Variants in HOOK2 observed in about 807,000 individuals in gnomAD.
The protein encoded by HOOK2 is hook microtubule tethering protein 2.
In HOOK2, 108 loss-of-function variants were observed where a neutral mutation model predicts 111.9. That is an observed-to-expected ratio of 0.96 (90% confidence interval 0.83 to 1.13). The LOEUF (loss-of-function observed/expected upper bound fraction) is 1.13. Ranked by LOEUF, HOOK2 falls within the 50% of genes most tolerant of loss-of-function variation. The pLI is 0.00. For synonymous variants in HOOK2, 405 were observed against 394.3 expected (o/e 1.03, Z -0.32); for missense variants, 978 against 951.3 (o/e 1.03, Z -0.37).
rs1968662202 is a variant in HOOK2, at chr19:12,786,810, G to C, written n.42-12585C>G. On this transcript the variant is annotated intron_variant and non_coding_transcript_variant, in intron 3 of 3. Coordinates refer to the HOOK2 transcript ENST00000589765. This position sits in a 1 kb window ranked among gnomAD's most constrained non-coding sequence, Gnocchi z 4.3. ...GTTTGGAGGAACCCTACTCCCACAT[G>C]CTGGCCTGTCCACAGAGACCCGTGC... Among the ~76,000 whole-genome samples the C allele has an allele frequency of 1.3e-5, 2 of 152,164 alleles. No individual in the cohort carries two copies. Among genetic ancestry groups the C allele is most frequent in the Non-Finnish European group, 2.9e-5 (2 of 68,026 alleles).
chr19:12,782,458 C>G (rs571349001), upstream of HOOK2, among the ~76,000 whole-genome samples: 427 of 152,340 alleles, frequency 2.8e-3, 2 homozygotes, highest in African/African-American at 9.8e-3. Context: ...GCAGGCTGCG[C>G]GGACGCAGTG....
chr19:12,773,009 T>C lies in HOOK2; in HGVS notation c.240A>G (p.Val80=), dbSNP rs1599500363. ...SNLKMVLRSL[V]EYSQDVLAHP... is the part of the protein sequence containing the mutation. The stretch of plus-strand genomic sequence containing the variant: ...AGTTACTCACATCCTGGGAGTACTC[T>C]ACTAGGCTCCGTAAGACCATCTTCA... The change falls in exon 4 of 23, where the codon GTA becomes GTG. Residue 80 remains valine (V), a synonymous_variant. Coordinates refer to ENST00000397668, the MANE Select transcript of HOOK2 (RefSeq NM_013312.3). The C allele has an allele frequency of 6.2e-7, 1 of 1,614,112 alleles. No individual in the cohort carries two copies. Among genetic ancestry groups the C allele is most frequent in the South Asian group, 1.1e-5 (1 of 91,080 alleles).
chr19:12,768,361 C>G (rs1968218758), intron 11 of HOOK2, among the ~76,000 whole-genome samples: 1 of 152,092 alleles, frequency 6.6e-6, no homozygotes, highest in African/African-American at 2.4e-5. Context: ...TCCCAAAGCA[C>G]TGGGATTACA....
chr19:12,774,836 G>A lies in HOOK2; in HGVS notation c.107C>T (p.Ala36Val). 1.2e-6 allele frequency: 2 copies of A among 1,614,190 alleles called. No individual in the cohort carries two copies. The highest frequency in any genetic ancestry group is 2.2e-5 in the East Asian group (1 of 44,890). Reference sequence around the variant, plus strand: ...CATCTGGTTCAGCACATAGGCTACGGCAAGGCCGCTGCTCAGGTCCTGAGG... The same window carrying A: ...CATCTGGTTCAGCACATAGGCTACGACAAGGCCGCTGCTCAGGTCCTGAGG... ...ASPQDLSSGL[A>V]VAYVLNQIDP... Residue 36 changes from alanine to valine, a missense_variant, in exon 2 of 23, where the codon GCC (alanine) becomes GTC (valine). Transcript: ENST00000397668.
chr19:12,765,648 A>T, intron 18 of HOOK2, 42 bp downstream of exon 18: 1 of 1,612,724 alleles, frequency 6.2e-7, no homozygotes, highest in Admixed American at 1.7e-5. Context: ...ACTAATATCA[A>T]ATCCATGCCC....
At chr19:12,783,333 G>A (rs2145796142), upstream of HOOK2, among the ~76,000 whole-genome samples, 1 of 146,414 alleles carries the variant, frequency 6.8e-6, no homozygotes, top group Non-Finnish European at 1.5e-5. Context: ...CTCTGAATTG[G>A]TAGACCCCCC....
In HOOK2 at chr19:12,763,530, T is replaced by C. The variant is rs1189590924; in HGVS notation, c.2008A>G (p.Met670Val). ...EKLLISAWYN[M>V]GMALQQRAGE... The stretch of plus-strand genomic sequence containing the variant: ...TAGAGCCCAGACCCCACACTTACCA[T>C]ATTATACCAGGCACTGATGAGCAGC... The change falls in exon 22 of 23, where the codon ATG (methionine) becomes GTG (valine). Residue 670 changes from methionine (M) to valine (V), a missense_variant and splice_region_variant. Met to Val is a conservative substitution (Grantham distance 21). Coordinates refer to ENST00000397668, the MANE Select transcript of HOOK2 (RefSeq NM_013312.3). 2 of 1,614,082 alleles carry C rather than the reference T, an allele frequency of 1.2e-6. No individual in the cohort carries two copies. Among genetic ancestry groups the C allele is most frequent in the African/African-American group, 2.7e-5 (2 of 74,940 alleles).
At chr19:12,764,742 T>C in intron 20 of HOOK2, 72 bp downstream of exon 20, 2 of 1,316,040 alleles carry the variant, frequency 1.5e-6, no homozygotes, top group East Asian at 4.6e-5. Context: ...AAGCAGGAGG[T>C]TTGACTCAAT....
intron 15 of HOOK2, 27 bp downstream of exon 15, chr19:12,766,076 C>G: frequency 1.2e-6 from 2 of 1,603,674 alleles, no homozygotes. Context: ...GTCCCTGCTC[C>G]GCGCAGGTAG....
chr19:12,765,497 C>T (rs1161483129), intron 18 of HOOK2, 193 bp downstream of exon 18: 3 of 721,736 alleles, frequency 4.2e-6, no homozygotes, highest in Non-Finnish European at 7.1e-6. Context: ...CCTGTAATCC[C>T]AGCACTTTGG....
upstream of HOOK2, among the ~76,000 whole-genome samples, chr19:12,779,734 G>A (rs961359214): frequency 1.6e-4 from 25 of 151,782 alleles, no homozygotes; most frequent in Admixed American, 1.4e-3. Context: ...CATCCATTGT[G>A]TCATAAGGCC....
chr19:12,774,529 A>G (rs756423324), intron 3 of HOOK2, 140 bp downstream of exon 3: 7 of 826,054 alleles, frequency 8.5e-6, no homozygotes, highest in South Asian at 6.0e-5. Context: ...TGAGTACTCC[A>G]TAGATGAATG....
At chr19:12,789,195 A>G (rs950927906) in intron 3 of HOOK2, among the ~76,000 whole-genome samples, 7 of 149,888 alleles carry the variant, frequency 4.7e-5, no homozygotes, top group South Asian at 2.1e-4. Flanking sequence ...GAGAGAGACA[A>G]AGAGAGAGAG....
At chr19:12,765,360 C>A in intron 18 of HOOK2, 1 of 589,852 alleles carries the variant, frequency 1.7e-6, no homozygotes, top group Non-Finnish European at 3.0e-6. Flanking sequence ...CAGCCACCAT[C>A]TTCCCTTGCT....
upstream of HOOK2, among the ~76,000 whole-genome samples, chr19:12,782,538 G>A (rs1468594244): frequency 6.6e-6 from 1 of 152,234 alleles, no homozygotes; most frequent in East Asian, 1.9e-4. Flanking sequence ...GCGGGGGCGC[G>A]TGCGTCGTGC....
At chr19:12,789,911 G>A (rs1039509077) in intron 3 of HOOK2, among the ~76,000 whole-genome samples, 5 of 152,122 alleles carry the variant, frequency 3.3e-5, no homozygotes, top group African/African-American at 4.8e-5. Context: ...TCTGGCTCGG[G>A]GCCCCAGGAC....
At position 12,791,736 on chromosome 19, in the gene HOOK2, C is replaced by T. The variant is rs760718461; in HGVS notation, n.42-17511G>A. On this transcript the variant is annotated intron_variant and non_coding_transcript_variant, in intron 3 of 3. Coordinates refer to the HOOK2 transcript ENST00000589765. This position sits in a 1 kb window ranked among gnomAD's most constrained non-coding sequence, Gnocchi z 7.0. ...GCTGCAGCGAGGCCCGGAGCGGCCC[C>T]GCAGGGACCCTCCCCAGACCGCCTG... is the stretch of plus-strand genomic sequence containing the variant. The T allele has an allele frequency of 1.1e-5, 17 of 1,515,232 alleles. No individual in the cohort carries two copies. Among genetic ancestry groups the T allele is most frequent in the Middle Eastern group, 1.8e-4 (1 of 5,712 alleles). 93.9% of individuals were successfully genotyped at this position (1,515,232 alleles called of 1,614,324 possible).
chr19:12,765,208 G>T, intron 18 of HOOK2, 127 bp from the exon 19 acceptor site: 1 of 865,008 alleles, frequency 1.2e-6, no homozygotes, highest in Non-Finnish European at 1.9e-6. Context: ...CTCTCTGCCT[G>T]CCCCTCATGC....
Position 12,775,409 on chromosome 19 carries a change from G to C in HOOK2, c.41C>G (p.Thr14Ser). 2.5e-6 allele frequency: 4 copies of C among 1,612,734 alleles called. No individual in the cohort carries two copies. The highest frequency in any genetic ancestry group is 3.4e-6 in the Non-Finnish European group (4 of 1,179,632). ...DKAELCGSLL[T>S]WLQTFHVPSP... ...TAGCCCCGCCCCACGACCTACCCAGGTGAGCAGAGACCCGCATAGCTCAGC... is the reference window on the plus strand; with the variant it reads ...TAGCCCCGCCCCACGACCTACCCAGCTGAGCAGAGACCCGCATAGCTCAGC... The change falls in exon 1 of 23, where the codon ACC becomes AGC. Residue 14 changes from threonine to serine, a missense_variant. Physicochemically the swap from Thr to Ser is moderately conservative, Grantham distance 58. Around this residue, in one of 5 missense-constraint regions of HOOK2, gnomAD observed 301 missense variants for 286.1 expected, o/e 1.05. Transcript: ENST00000397668.
Sources: allele counts gnomAD v4.1 joint callset (sites outside exome capture counted in the v4.1 genomes callset), GRCh38; gene constraint gnomAD v4.1.1; regional missense constraint gnomAD v4.1.1; non-coding constraint Gnocchi (gnomAD v3.1); transcripts MANE v1.5; gene names NCBI Gene and HGNC (gene_info 2026-07-23, HGNC 2026-07-21).